Variants in DHX30 observed in about 807,000 individuals in gnomAD.
DHX30 encodes the protein DExH-box helicase 30.
A neutral mutation model predicts 116.9 loss-of-function variants in DHX30; 4 were observed. That is an observed-to-expected ratio of 0.03 (90% CI 0.02 to 0.08). The LOEUF (loss-of-function observed/expected upper bound fraction) is 0.08. DHX30 is among the 10% of genes least tolerant of loss of function. The pLI, the probability that DHX30 is intolerant of heterozygous loss-of-function variation, is 1.00. For synonymous variants in DHX30, 697 were observed against 651.7 expected (o/e 1.07, Z -1.06); for missense variants, 871 against 1,595.1 (o/e 0.55, Z 7.73).
intron 4 of DHX30, among the ~76,000 whole-genome samples, chr3:47,819,952 T>G (rs890458815): frequency 9.2e-5 from 14 of 152,172 alleles, no homozygotes; most frequent in Non-Finnish European, 7.3e-5. Context: ...GCCACAAAAC[T>G]GATCTTTCCT....
intron 4 of DHX30, among the ~76,000 whole-genome samples, chr3:47,820,922 CTTTGT>C (rs962469203): frequency 2.7e-5 from 4 of 147,560 alleles, no homozygotes; most frequent in Non-Finnish European, 4.5e-5. Flanking sequence ...TTTTTTTTGC[CTTTGT>C]TTTATTTCTT....
intron 3 of DHX30, chr3:47,816,061 C>T: frequency 1.0e-6 from 1 of 984,658 alleles, no homozygotes; most frequent in Non-Finnish European, 1.2e-6. Context: ...GAATTAGTTT[C>T]AAAATAAACC....
chr3:47,847,148 G>C lies in DHX30; in HGVS notation c.1930-125G>C, dbSNP rs891840009. ...TAGAAACTGGGGACTAACCCTGCCT[G>C]CGTGGCACACGTGAGGATTGGAGTT... On this transcript the variant is annotated intron_variant, in intron 11 of 21. Coordinates refer to ENST00000445061, the MANE Select transcript of DHX30 (RefSeq NM_138615.3). The surrounding 1 kb of genome is among the most constrained non-coding windows in gnomAD (Gnocchi z 5.5). 3 of 1,478,758 alleles carry C rather than the reference G, an allele frequency of 2.0e-6. No homozygotes were observed. The African/African-American group carries it at 4.1e-5, about 20-fold the overall frequency. The allele number at this position is 1,478,758 out of a possible 1,614,324, so 91.6% of individuals were successfully genotyped here.
chr3:47,824,412 T>G (rs2036442951), intron 4 of DHX30, among the ~76,000 whole-genome samples: 1 of 152,196 alleles, frequency 6.6e-6, no homozygotes, highest in African/African-American at 2.4e-5. Flanking sequence ...TTAAATCTGT[T>G]TCCTGAAGAG....
chr3:47,833,770 A>G (rs2036977660), intron 6 of DHX30, among the ~76,000 whole-genome samples: 1 of 151,852 alleles, frequency 6.6e-6, no homozygotes, highest in Non-Finnish European at 1.5e-5. Flanking sequence ...AGGCAGGAGA[A>G]TCGGTTGAAC....
At chr3:47,817,156 C>T (rs1421853422) in intron 3 of DHX30, among the ~76,000 whole-genome samples, 1 of 152,098 alleles carries the variant, frequency 6.6e-6, no homozygotes, top group Non-Finnish European at 1.5e-5. Flanking sequence ...CCCCTTCTAC[C>T]CCATTTACTG....
intron 9 of DHX30, among the ~76,000 whole-genome samples, chr3:47,844,952 GA>G (rs2037534614): frequency 6.6e-6 from 1 of 152,144 alleles, no homozygotes; most frequent in African/African-American, 2.4e-5. Context: ...AGGATTAGGG[GA>G]GGAAGGCTTT....
intron 4 of DHX30, chr3:47,825,315 G>C (rs1300875654): frequency 1.9e-6 from 1 of 537,682 alleles, no homozygotes; most frequent in East Asian, 3.5e-5. Context: ...AGCTAGGGGC[G>C]CGGGCCGAAA....
At position 47,833,537 on chromosome 3, in the gene DHX30, C is replaced by CAAAAAAA. The variant is rs71070236; in HGVS notation, c.366+4418_366+4424dup. Among the ~76,000 whole-genome samples, 10 of 62,362 alleles carry CAAAAAAA rather than the reference C, an allele frequency of 1.6e-4. 1 individual carries two copies. Among genetic ancestry groups the CAAAAAAA allele is most frequent in the Non-Finnish European group, 2.5e-4 (9 of 36,032 alleles). The allele number at this position is 62,362 out of a possible 152,430, so 40.9% of individuals were successfully genotyped here. A position where few individuals can be genotyped will look rare whatever the true frequency, so the allele number is the denominator to read the frequency against. ...GCAAAGCAGGACTCTCTCTCTCTCTCAAAAAAAAAAAAAAAAAAAAAGAAA... is the reference window on the plus strand; with the variant it reads ...GCAAAGCAGGACTCTCTCTCTCTCTCAAAAAAAAAAAAAAAAAAAAAAAAAAAAGAAA... On this transcript the variant is annotated intron_variant, in intron 6 of 21. Transcript: ENST00000445061.
intron 4 of DHX30, among the ~76,000 whole-genome samples, chr3:47,821,105 C>G (rs181627629): frequency 7.2e-5 from 11 of 152,012 alleles, no homozygotes; most frequent in Admixed American, 6.6e-4. Flanking sequence ...AGGCATGCAC[C>G]AGCATGCCCA....
chr3:47,843,750 G>T (rs993554995), intron 9 of DHX30, among the ~76,000 whole-genome samples: 6 of 152,196 alleles, frequency 3.9e-5, no homozygotes, highest in African/African-American at 1.4e-4. Flanking sequence ...CCAGGCTGGA[G>T]TATAGTGGCA....
At chr3:47,826,884 G>T (rs554903390) in intron 4 of DHX30, among the ~76,000 whole-genome samples, 1 of 152,210 alleles carries the variant, frequency 6.6e-6, no homozygotes, top group East Asian at 1.9e-4. Context: ...GATACATGGG[G>T]CCAGGTCTCT....
chr3:47,846,815 C>G lies in DHX30; in HGVS notation c.1743C>G (p.Leu581=), dbSNP rs375820863. ...TCCTGCTCAAGGGCCTGCAGCGGCT[C>G]AACCCGGCCCTGCGGCTGGTGCTCA... The part of the protein sequence containing the change: ...LLILLKGLQR[L]NPALRLVLMS... Residue 581 remains leucine (L), a synonymous_variant, in exon 11 of 22, where the codon CTC becomes CTG. Coordinates refer to ENST00000445061, the MANE Select transcript of DHX30 (RefSeq NM_138615.3). 2.5e-6 allele frequency: 4 copies of G among 1,613,142 alleles called. No homozygotes were observed. In the African/African-American group the frequency reaches 5.3e-5, roughly 22 times the overall value.
At position 47,816,867 on chromosome 3, in the gene DHX30, C is replaced by A. The variant is rs1327325641; in HGVS notation, c.29-1155C>A. 15 of 984,842 alleles carry A rather than the reference C, an allele frequency of 1.5e-5. No homozygotes were observed. In the East Asian group the frequency reaches 1.7e-3, roughly 112 times the overall value. The allele number at this position is 984,842 out of a possible 1,614,324, so 61.0% of individuals were successfully genotyped here. A position where few individuals can be genotyped will look rare whatever the true frequency, so the allele number is the denominator to read the frequency against. On this transcript the variant is annotated intron_variant, in intron 3 of 21. Transcript: ENST00000445061. ...ATTGAAGAAATTGTATAGTGAACACCTTTGTATCTACCACCTTGATTCTCT... is the reference window on the plus strand; with the variant it reads ...ATTGAAGAAATTGTATAGTGAACACATTTGTATCTACCACCTTGATTCTCT...
At chr3:47,835,982 T>G (rs1367836415) in intron 6 of DHX30, among the ~76,000 whole-genome samples, 1 of 152,172 alleles carries the variant, frequency 6.6e-6, no homozygotes, top group Non-Finnish European at 1.5e-5. Flanking sequence ...CAGGAATGCT[T>G]CTTCCCAGCT....
Position 47,829,009 on chromosome 3 carries a change from T to C in DHX30, c.256-15T>C, listed in dbSNP as rs748053221. 1 of 1,557,210 alleles carries C rather than the reference T, an allele frequency of 6.4e-7. No individual in the cohort carries two copies. Among genetic ancestry groups the C allele is most frequent in the Non-Finnish European group, 8.8e-7 (1 of 1,132,736 alleles). ...GGAGTGGCAAGACTTCTGATTTCTC[T>C]CTTCTCTTCCCCAGAAAGTCACACT... On this transcript the variant is annotated splice_polypyrimidine_tract_variant and intron_variant, in intron 5 of 21. Transcript: ENST00000445061.
chr3:47,824,775 C>T (rs1234478515), intron 4 of DHX30: 5 of 387,282 alleles, frequency 1.3e-5, no homozygotes, highest in African/African-American at 1.0e-4. Context: ...AGCCTCATTC[C>T]ATCTTCCTGC....
At chr3:47,833,218 C>G in intron 6 of DHX30, among the ~76,000 whole-genome samples, 1 of 151,990 alleles carries the variant, frequency 6.6e-6, no homozygotes, top group East Asian at 1.9e-4. Context: ...AAATAGTTAT[C>G]TTTTTTTGTG....
chr3:47,823,898 T>C (rs1222731613), intron 4 of DHX30, among the ~76,000 whole-genome samples: 1 of 152,070 alleles, frequency 6.6e-6, no homozygotes, highest in Non-Finnish European at 1.5e-5. Flanking sequence ...CCTGAGGGCT[T>C]CCTCAAGTGC....
Sources: gnomAD v4.1 joint callset for allele counts (sites outside exome capture counted in the v4.1 genomes callset) on GRCh38, gnomAD v4.1.1 for gene constraint, Gnocchi (gnomAD v3.1) non-coding constraint, MANE v1.5 for transcripts, NCBI Gene and HGNC (gene_info 2026-07-23, HGNC 2026-07-21) for gene names.